The following ABCG1 variants were observed in gnomAD, a reference collection of about 807,000 sequenced individuals.
ABCG1 encodes ATP binding cassette subfamily G member 1.
A neutral mutation model predicts 69.2 loss-of-function variants in ABCG1; 29 were observed. The ratio of observed to expected loss-of-function variants is 0.42; its 90% CI spans 0.31 to 0.57. ABCG1 has a LOEUF of 0.57. Among genes scored for constraint, ABCG1 ranks in the 20% least tolerant of loss-of-function variants. ABCG1 has a pLI of 0.15. For synonymous variants in ABCG1, 370 were observed against 374.8 expected, an observed-to-expected ratio of 0.99 and a Z score of 0.15; for missense variants, 718 against 898.1, an observed-to-expected ratio of 0.80 and a Z score of 2.56.
chr21:42,251,998 C>A (rs1409363218), intron 2 of ABCG1, among the ~76,000 whole-genome samples: 1 of 152,346 alleles, frequency 6.6e-6, no homozygotes, highest in East Asian at 1.9e-4. Flanking sequence ...CTCTGCTTGG[C>A]AGCCACCCTG....
chr21:42,251,290 C>T (rs145399455), intron 2 of ABCG1, among the ~76,000 whole-genome samples: 2 of 152,246 alleles, frequency 1.3e-5, no homozygotes, highest in South Asian at 2.1e-4. Context: ...GAGGCCCAAC[C>T]GGGTGGCAAA....
At chr21:42,235,810 G>A (rs1163248163) in intron 2 of ABCG1, among the ~76,000 whole-genome samples, 1 of 152,146 alleles carries the variant, frequency 6.6e-6, no homozygotes, top group Non-Finnish European at 1.5e-5. Flanking sequence ...TACAGGCTAC[G>A]ATAAGGCATG....
At chr21:42,268,149 G>A (rs1202572692) in intron 2 of ABCG1, among the ~76,000 whole-genome samples, 1 of 152,184 alleles carries the variant, frequency 6.6e-6, no homozygotes, top group African/African-American at 2.4e-5. Context: ...CAGAAAAACA[G>A]TGGAAGACAG....
chr21:42,203,762 C>T (rs1434257470), intron 2 of ABCG1, among the ~76,000 whole-genome samples: 1 of 152,176 alleles, frequency 6.6e-6, no homozygotes, highest in Non-Finnish European at 1.5e-5. Context: ...AAATTTTAGA[C>T]TACTCTTGTT....
intron 3 of ABCG1, 85 bp downstream of exon 3, chr21:42,271,272 A>G: frequency 1.2e-6 from 1 of 856,712 alleles, no homozygotes; most frequent in Non-Finnish European, 1.8e-6. Context: ...CATCAGCCCC[A>G]TCACCTGGAG....
rs771294244 is a variant in ABCG1 at position 42,200,235 on chromosome 21, C to T, written c.-100+386C>T. Among the ~76,000 whole-genome samples the T allele has an allele frequency of 6.6e-5, 10 of 152,200 alleles. No homozygotes were observed. The East Asian group carries it at 1.3e-3, about 21-fold the overall frequency. ...GCCCATGGCCCCTGGTGAGCATGTG[C>T]GGCCAGCCGGGCCATGGGGGTGAGG... On this transcript the variant is annotated intron_variant, in intron 1 of 15. Coordinates refer to the ABCG1 transcript ENST00000398457.
chr21:42,201,853 C>A lies in ABCG1; in HGVS notation c.48+130C>A, dbSNP rs1034260384. The A allele has an allele frequency of 7.7e-6, 12 of 1,551,474 alleles. No homozygotes were observed. In the Admixed American group the frequency reaches 1.2e-4, roughly 16 times the overall value. On this transcript the variant is annotated intron_variant, in intron 2 of 15. Transcript: ENST00000398457. ...TTGGTGTGGGCTGTGGGAGCTCCTGCGGTGTAGTTTGGTGAGGGGCCAGCC... is the reference window on the plus strand; with the variant it reads ...TTGGTGTGGGCTGTGGGAGCTCCTGAGGTGTAGTTTGGTGAGGGGCCAGCC...
chr21:42,270,983 C>A, intron 2 of ABCG1, 87 bp from the exon 3 acceptor site: 1 of 912,990 alleles, frequency 1.1e-6, no homozygotes, highest in Non-Finnish European at 1.6e-6. Context: ...TTGCCTTTGG[C>A]CTTGGTCATG....
rs974332474 is a variant in ABCG1 at position 42,287,565 on chromosome 21, T to A, written c.974-324T>A. Among the ~76,000 whole-genome samples, 3 of 152,168 alleles carry A rather than the reference T, an allele frequency of 2.0e-5. No individual in the cohort carries two copies. The highest frequency in any genetic ancestry group is 2.9e-5 in the Non-Finnish European group (2 of 68,028). On this transcript the variant is annotated intron_variant, in intron 8 of 14. Transcript: ENST00000398449. This position sits in a 1 kb window ranked among gnomAD's most constrained non-coding sequence, Gnocchi z 6.2. ...GTTCTGCTCCCTTCCCAGCTCCACC[T>A]TGGAGGCTGGCCCAGAGCAGGCATT...
chr21:42,244,628 T>A (rs374580808), intron 2 of ABCG1, among the ~76,000 whole-genome samples: 225 of 152,326 alleles, frequency 1.5e-3, no homozygotes, highest in African/African-American at 5.1e-3. Context: ...GTTGCAAGGA[T>A]CACAATTAGT....
chr21:42,295,166 C>T (rs2069179673), intron 14 of ABCG1: 1 of 154,842 alleles, frequency 6.5e-6, no homozygotes, highest in Non-Finnish European at 1.4e-5. Context: ...ACTAAAAACA[C>T]AAAACAATTA....
intron 13 of ABCG1, among the ~76,000 whole-genome samples, chr21:42,293,235 CACACA>C (rs2069119261): frequency 7.4e-6 from 1 of 135,240 alleles, no homozygotes. Context: ...CACTACACAC[CACACA>C]CACACCACAC....
rs1427139047 is a variant in ABCG1 at position 42,288,124 on chromosome 21, A to C, written c.1122+87A>C. 2.5e-6 allele frequency: 4 copies of C among 1,612,130 alleles called. No individual in the cohort carries two copies. The highest frequency in any genetic ancestry group is 2.5e-6 in the Non-Finnish European group (3 of 1,178,234). ...GGGGAGGCTGCACGTGGCACCGTGC[A>C]CTGCTGCATGAGAGCTCTTTCCGAG... On this transcript the variant is annotated intron_variant, in intron 9 of 14. Coordinates refer to ENST00000398449, the MANE Select transcript of ABCG1 (RefSeq NM_016818.3). This position sits in a 1 kb window ranked among gnomAD's most constrained non-coding sequence, Gnocchi z 4.8.
chr21:42,225,274 G>A (rs560779974), intron 1 of ABCG1, among the ~76,000 whole-genome samples: 6 of 152,174 alleles, frequency 3.9e-5, no homozygotes, highest in African/African-American at 1.2e-4. Flanking sequence ...TAAGTTTCTC[G>A]GTTTTTTATT....
At chr21:42,253,675 C>T (rs1211265696) in intron 2 of ABCG1, among the ~76,000 whole-genome samples, 1 of 152,058 alleles carries the variant, frequency 6.6e-6, no homozygotes, top group Admixed American at 6.5e-5. Context: ...CTGACGTCAC[C>T]GTGCCACTGT....
intron 2 of ABCG1, among the ~76,000 whole-genome samples, chr21:42,247,264 G>A (rs2068147256): frequency 6.6e-6 from 1 of 152,190 alleles, no homozygotes; most frequent in Non-Finnish European, 1.5e-5. Context: ...AAAAAGTAAA[G>A]ATAGCATGTC....
intron 14 of ABCG1, 165 bp downstream of exon 14, chr21:42,294,825 C>T (rs56408756): frequency 0.063 from 39,841 of 635,068 alleles, 1,625 homozygotes; most frequent in Admixed American, 0.11. Context: ...TCCACCTCCT[C>T]CTACCCTCAC....
intron 2 of ABCG1, chr21:42,256,314 C>T (rs933951418): frequency 8.4e-6 from 13 of 1,546,058 alleles, no homozygotes; most frequent in Non-Finnish European, 1.1e-5. Flanking sequence ...CCGGAGTCTA[C>T]AGAGGGTGGG....
At chr21:42,243,684 G>A (rs1051714678) in intron 2 of ABCG1, among the ~76,000 whole-genome samples, 25 of 152,172 alleles carry the variant, frequency 1.6e-4, no homozygotes, top group Non-Finnish European at 5.9e-5. Context: ...TGGCGTGAGA[G>A]TGGAGAGGTT....
Sources: allele counts gnomAD v4.1 joint callset (sites outside exome capture counted in the v4.1 genomes callset), GRCh38; gene constraint gnomAD v4.1.1; non-coding constraint Gnocchi (gnomAD v3.1); transcripts MANE v1.5; gene names NCBI Gene and HGNC (gene_info 2026-07-23, HGNC 2026-07-21).